Variants in EPHA4 observed in about 807,000 individuals in gnomAD.
EPHA4 encodes the protein ephrin type-A receptor 4.
In EPHA4, 19 loss-of-function variants were observed where a neutral mutation model predicts 108.3. The ratio of observed to expected loss-of-function variants is 0.18; its 90% CI spans 0.12 to 0.26. EPHA4 has a LOEUF of 0.26. EPHA4 is among the 10% of genes least tolerant of loss of function. The pLI, the probability that EPHA4 is intolerant of heterozygous loss-of-function variation, is 1.00. For synonymous variants in EPHA4, 449 were observed against 455.5 expected (o/e 0.99, Z 0.18); for missense variants, 917 against 1,254.0 (o/e 0.73, Z 4.06).
intron 3 of EPHA4, among the ~76,000 whole-genome samples, chr2:221,528,022 C>A (rs7575507): frequency 0.55 from 80,408 of 145,514 alleles, 22,748 homozygotes; most frequent in African/African-American, 0.69. Context: ...TAACCACCCC[C>A]AACCCCGCCG....
At chr2:221,557,099 G>A (rs552568178) in intron 3 of EPHA4, among the ~76,000 whole-genome samples, 1 of 152,160 alleles carries the variant, frequency 6.6e-6, no homozygotes, top group Non-Finnish European at 1.5e-5. Context: ...TAACATCTTA[G>A]TGTTATTAAG....
chr2:221,421,969 G>A (rs962136348), intron 17 of EPHA4: 1 of 151,962 alleles, frequency 6.6e-6, no homozygotes, highest in Non-Finnish European at 1.5e-5. Context: ...GCCAGGTCTT[G>A]TAGCTCATAC....
chr2:221,529,969 A>G (rs1465313760), intron 3 of EPHA4, among the ~76,000 whole-genome samples: 13 of 152,214 alleles, frequency 8.5e-5, no homozygotes, highest in Admixed American at 8.5e-4. Flanking sequence ...AGAAAAAGAG[A>G]GAAGAGCAGA....
intron 14 of EPHA4, among the ~76,000 whole-genome samples, chr2:221,431,598 TAC>T (rs1205159401): frequency 6.6e-6 from 1 of 152,224 alleles, no homozygotes; most frequent in East Asian, 1.9e-4. Context: ...GCAATTACAC[TAC>T]GTCAGTTTGA....
chr2:221,470,582 C>A (rs985846438), intron 5 of EPHA4, among the ~76,000 whole-genome samples: 1 of 81,570 alleles, frequency 1.2e-5, no homozygotes, highest in South Asian at 4.1e-4. Flanking sequence ...GGAACCTCTG[C>A]TTTTCCCTAA....
intron 8 of EPHA4, among the ~76,000 whole-genome samples, chr2:221,451,991 G>A (rs1330413228): frequency 6.6e-6 from 1 of 152,130 alleles, no homozygotes; most frequent in Non-Finnish European, 1.5e-5. Flanking sequence ...TGAAACAATT[G>A]CTATAAAAAA....
At chr2:221,483,378 C>G (rs1262710033) in intron 4 of EPHA4, among the ~76,000 whole-genome samples, 1 of 151,978 alleles carries the variant, frequency 6.6e-6, no homozygotes, top group East Asian at 1.9e-4. Context: ...TGGGTGATGG[C>G]AGTGGTTGTT....
At position 221,501,178 on chromosome 2, in the gene EPHA4, G is replaced by A; in HGVS notation, c.824-6C>T. 6.4e-7 allele frequency: 1 copy of A among 1,566,482 alleles called. No individual in the cohort carries two copies. ...GTAATATCCAATTTTGCAAGCTGCA[G>A]GGAAGAAGAAAAAAACAAACAAATA... is the stretch of plus-strand genomic sequence containing the variant. On this transcript the variant is annotated splice_region_variant and splice_polypyrimidine_tract_variant and intron_variant, in intron 3 of 17. Transcript: ENST00000281821.
intron 3 of EPHA4, among the ~76,000 whole-genome samples, chr2:221,505,647 T>C (rs1200685382): frequency 6.6e-6 from 1 of 152,182 alleles, no homozygotes; most frequent in East Asian, 1.9e-4. Flanking sequence ...TCAATGTGGC[T>C]ACTGAAACAC....
At chr2:221,572,908 C>T (rs1030970269), upstream of EPHA4, 1 of 152,530 alleles carries the variant, frequency 6.6e-6, no homozygotes, top group South Asian at 2.1e-4. Context: ...TCCCTGGCTC[C>T]CCAGATGCCT....
chr2:221,478,759 C>A (rs1691732481), intron 5 of EPHA4, among the ~76,000 whole-genome samples: 1 of 124,208 alleles, frequency 8.1e-6, no homozygotes, highest in Admixed American at 7.9e-5. Flanking sequence ...TACCTGTCTG[C>A]CTGCACAGAG....
intron 5 of EPHA4, among the ~76,000 whole-genome samples, chr2:221,466,082 C>A (rs1260339443): frequency 1.3e-5 from 2 of 152,184 alleles, no homozygotes; most frequent in East Asian, 3.9e-4. Context: ...GTCAGCAAAG[C>A]CAGTGACAGA....
intron 8 of EPHA4, 53 bp downstream of exon 8, chr2:221,455,494 T>A: frequency 7.2e-7 from 1 of 1,386,422 alleles, no homozygotes; most frequent in Non-Finnish European, 1.0e-6. Flanking sequence ...AAAAAAACCA[T>A]CATAAACACT....
At chr2:221,525,839 C>A (rs1187920818) in intron 3 of EPHA4, among the ~76,000 whole-genome samples, 1 of 152,042 alleles carries the variant, frequency 6.6e-6, no homozygotes, top group African/African-American at 2.4e-5. Flanking sequence ...AAGGGTCTAC[C>A]AAGTACTTTT....
rs375731373 is a variant in EPHA4 at position 221,563,668 on chromosome 2, C to A, written c.823+63G>T. ...TTACTGGCTTTACTCCATTTAGTCT[C>A]ATCTCTGATTTAATTACTCGCACTA... On this transcript the variant is annotated intron_variant, in intron 3 of 17. Coordinates refer to ENST00000281821, the MANE Select transcript of EPHA4 (RefSeq NM_004438.5). 602 of 1,558,554 alleles carry A rather than the reference C, an allele frequency of 3.9e-4. 17 individuals carry two copies. In the South Asian group the frequency reaches 6.7e-3, roughly 17 times the overall value.
At chr2:221,475,947 G>A (rs1055512522) in intron 5 of EPHA4, among the ~76,000 whole-genome samples, 1 of 152,090 alleles carries the variant, frequency 6.6e-6, no homozygotes, top group Non-Finnish European at 1.5e-5. Context: ...GGCCAGGTGA[G>A]GTGGCTCACA....
intron 3 of EPHA4, among the ~76,000 whole-genome samples, chr2:221,516,028 A>G (rs1404409644): frequency 6.6e-6 from 1 of 151,858 alleles, no homozygotes; most frequent in Non-Finnish European, 1.5e-5. Context: ...AAAACATAGC[A>G]TTAAAAATTT....
chr2:221,540,014 G>A (rs1172557303), intron 3 of EPHA4, among the ~76,000 whole-genome samples: 2 of 152,050 alleles, frequency 1.3e-5, no homozygotes, highest in Admixed American at 6.6e-5. Flanking sequence ...TTGCCTCCTG[G>A]GTTCAAGCAA....
chr2:221,486,026 T>C (rs1000587080), intron 4 of EPHA4, among the ~76,000 whole-genome samples: 8 of 152,220 alleles, frequency 5.3e-5, no homozygotes, highest in Non-Finnish European at 1.2e-4. Flanking sequence ...AAGTATTGTG[T>C]CTGGCTATTT....
Sources: allele counts gnomAD v4.1 joint callset (sites outside exome capture counted in the v4.1 genomes callset), GRCh38; gene constraint gnomAD v4.1.1; transcripts MANE v1.5; gene names NCBI Gene and HGNC (gene_info 2026-07-23, HGNC 2026-07-21).